MED28: variants seen among roughly 807,000 people sequenced by gnomAD.
The protein encoded by MED28 is mediator of RNA polymerase II transcription subunit 28.
In MED28, 26 loss-of-function variants were observed where a neutral mutation model predicts 21.3. The observed-to-expected ratio is 1.22, with a 90% CI of 0.89 to 1.69. The LOEUF is 1.69. Ranked by LOEUF, MED28 falls within the 40% of genes most tolerant of loss-of-function variation. The probability of loss-of-function intolerance (pLI) is 0.00; values close to 1 mark genes in which losing one functional copy is unlikely to be tolerated. For synonymous variants in MED28, 110 were observed against 87.6 expected (o/e 1.26, Z -1.43); for missense variants, 257 against 215.4 (o/e 1.19, Z -1.21).
Position 17,630,211 on chromosome 4 carries a change from T to C in MED28, c.*6413T>C, listed in dbSNP as rs2108922063. The C allele has an allele frequency of 6.6e-6, 1 of 152,270 alleles. No individual in the cohort carries two copies. The highest frequency in any genetic ancestry group is 1.9e-4 in the East Asian group (1 of 5,178). The allele number at this position is 152,270 out of a possible 1,614,324, so 9.4% of individuals were successfully genotyped here. A position where few individuals can be genotyped will look rare whatever the true frequency, so the allele number is the denominator to read the frequency against. Reference sequence around the variant, plus strand: ...AAAATAGAACCACCTGTATGTAGTCTTTTTGAAAGCACAAAATAAAGAGCA... The same window carrying C: ...AAAATAGAACCACCTGTATGTAGTCCTTTTGAAAGCACAAAATAAAGAGCA... On this transcript the variant is annotated 3_prime_UTR_variant, in exon 4 of 4. Coordinates refer to ENST00000237380, the MANE Select transcript of MED28 (RefSeq NM_025205.5).
rs950800826 is a variant in MED28 at position 17,632,515 on chromosome 4, G to A, written c.*8717G>A. The A allele has an allele frequency of 8.5e-6, 13 of 1,521,556 alleles. No individual in the cohort carries two copies. The highest frequency in any genetic ancestry group is 1.2e-5 in the Non-Finnish European group (13 of 1,121,422). The allele number at this position is 1,521,556 out of a possible 1,614,324, so 94.3% of individuals were successfully genotyped here. On this transcript the variant is annotated 3_prime_UTR_variant, in exon 4 of 4. Coordinates refer to ENST00000237380, the MANE Select transcript of MED28 (RefSeq NM_025205.5). The stretch of plus-strand genomic sequence containing the variant: ...ATGTTTTTCAAGTATCCTCTGTGAT[G>A]TATCCCAAAGGTTAGCTTAGAAAGA...
At chr4:17,618,297 A>T (rs955781728) in intron 1 of MED28, among the ~76,000 whole-genome samples, 1 of 152,060 alleles carries the variant, frequency 6.6e-6, no homozygotes, top group African/African-American at 2.4e-5. Context: ...GTCAGCCACC[A>T]TGTCGGACCC....
At chr4:17,623,326 G>A (rs1319004853) in intron 3 of MED28, among the ~76,000 whole-genome samples, 3 of 151,434 alleles carry the variant, frequency 2.0e-5, no homozygotes, top group South Asian at 2.1e-4. Flanking sequence ...ACTTGAACCC[G>A]GGAGGTGGAG....
intron 2 of MED28, among the ~76,000 whole-genome samples, chr4:17,621,171 G>A (rs1714618362): frequency 6.6e-6 from 1 of 151,840 alleles, no homozygotes; most frequent in African/African-American, 2.4e-5. Context: ...GTTCCACCAC[G>A]CCCAGCTAAT....
intron 1 of MED28, among the ~76,000 whole-genome samples, chr4:17,618,915 G>C (rs528155493): frequency 6.6e-6 from 1 of 152,334 alleles, no homozygotes; most frequent in South Asian, 2.1e-4. Flanking sequence ...AATCAAGCGC[G>C]GGAGCTGCAG....
chr4:17,620,397 C>A (rs185684714), intron 2 of MED28, among the ~76,000 whole-genome samples: 82 of 147,764 alleles, frequency 5.5e-4, no homozygotes, highest in African/African-American at 1.8e-3. Context: ...GTCGCCCAGG[C>A]TGGAGTGCTC....
intron 1 of MED28, among the ~76,000 whole-genome samples, chr4:17,619,540 G>C (rs904382991): frequency 3.9e-5 from 6 of 152,184 alleles, no homozygotes; most frequent in South Asian, 4.1e-4. Flanking sequence ...AGGGGGAGAA[G>C]ATTGTCCTGA....
At chr4:17,617,764 G>A (rs143870130) in intron 1 of MED28, among the ~76,000 whole-genome samples, 5 of 151,902 alleles carry the variant, frequency 3.3e-5, no homozygotes, top group Admixed American at 2.6e-4. Context: ...AAAAATTAGT[G>A]GTCTCTGGTG....
At chr4:17,620,110 AGCT>A (rs1425773100) in intron 2 of MED28, 143 bp downstream of exon 2, 4 of 712,226 alleles carry the variant, frequency 5.6e-6, no homozygotes, top group Non-Finnish European at 9.6e-6. Context: ...AATCTCTATG[AGCT>A]GCTGATTTTT....
At chr4:17,621,427 T>C (rs917832557) in intron 2 of MED28, among the ~76,000 whole-genome samples, 160 bp from the exon 3 acceptor site, 7 of 152,062 alleles carry the variant, frequency 4.6e-5, no homozygotes, top group Non-Finnish European at 1.0e-4. Context: ...GGTTAACACA[T>C]GAGAAGTTGG....
intron 3 of MED28, 79 bp downstream of exon 3, chr4:17,621,778 G>A (rs544924580): frequency 2.3e-5 from 22 of 957,724 alleles, no homozygotes; most frequent in Non-Finnish European, 3.6e-5. Context: ...TAAATGAGAT[G>A]TAACCGTTTC....
Position 17,632,542 on chromosome 4 carries a change from AAGTACTTGGT to A in MED28, c.*8745_*8754del. On this transcript the variant is annotated 3_prime_UTR_variant, in exon 4 of 4. Coordinates refer to ENST00000237380, the MANE Select transcript of MED28 (RefSeq NM_025205.5). ...ATCCCAAAGGTTAGCTTAGAAAGAAAAGTACTTGGTGAACCATTCCTGGTGCGGAGAGCCC... is the reference window on the plus strand; with the variant it reads ...ATCCCAAAGGTTAGCTTAGAAAGAAAGAACCATTCCTGGTGCGGAGAGCCC... 1 of 1,550,826 alleles carries A rather than the reference AAGTACTTGGT, an allele frequency of 6.4e-7. No individual in the cohort carries two copies. Among genetic ancestry groups the A allele is most frequent in the Non-Finnish European group, 8.7e-7 (1 of 1,146,340 alleles).
In MED28 at chr4:17,625,680, C is replaced by A; in HGVS notation, c.*1882C>A. On this transcript the variant is annotated 3_prime_UTR_variant, in exon 4 of 4. Coordinates refer to ENST00000237380, the MANE Select transcript of MED28 (RefSeq NM_025205.5). The stretch of plus-strand genomic sequence containing the variant: ...GACATCTTACTGGGTGATGAATAAT[C>A]CTCTAAGAAACCCTCTGAGCTGCTA... 3 of 447,504 alleles carry A rather than the reference C, an allele frequency of 6.7e-6. No homozygotes were observed. The highest frequency in any genetic ancestry group is 1.3e-5 in the Non-Finnish European group (3 of 224,722). 27.7% of individuals were successfully genotyped at this position (447,504 alleles called of 1,614,324 possible). A position where few individuals can be genotyped will look rare whatever the true frequency, so the allele number is the denominator to read the frequency against.
At chr4:17,620,331 T>C (rs960702218) in intron 2 of MED28, among the ~76,000 whole-genome samples, 12 of 151,584 alleles carry the variant, frequency 7.9e-5, no homozygotes, top group Non-Finnish European at 1.5e-4. Context: ...GAGCTTCTGA[T>C]TTCTTCGTAC....
At position 17,614,668 on chromosome 4, in the gene MED28, T is replaced by G. The variant is rs1264402130; in HGVS notation, c.14T>G (p.Leu5Arg). 1 of 1,611,660 alleles carries G rather than the reference T, an allele frequency of 6.2e-7. No individual in the cohort carries two copies. The highest frequency in any genetic ancestry group is 1.1e-5 in the South Asian group (1 of 90,962). Residue 5 changes from leucine (L) to arginine (R), a missense_variant, in exon 1 of 4, where the codon CTA (leucine) becomes CGA (arginine). Leu to Arg is a moderately radical substitution (Grantham distance 102). Coordinates refer to ENST00000237380, the MANE Select transcript of MED28 (RefSeq NM_025205.5). ...GCCATTCCAAACATGGCGGCTCCACTAGGGGGTATGTTTTCTGGGCAGCCA... is the reference window on the plus strand; with the variant it reads ...GCCATTCCAAACATGGCGGCTCCACGAGGGGGTATGTTTTCTGGGCAGCCA... Reference protein sequence around the residue: MAAPLGGMFSGQPPG... With the variant: MAAPRGGMFSGQPPG...
rs16343 is a variant in MED28, at chr4:17,633,933, CAAAAT to C, written c.*10139_*10143del. On this transcript the variant is annotated 3_prime_UTR_variant, in exon 4 of 4. Coordinates refer to ENST00000237380, the MANE Select transcript of MED28 (RefSeq NM_025205.5). ...GGTTAGTGCAATGCAATGCAAAAAA[CAAAAT>C]AAAGCATTATTGTAAAAGCAAATAA... 780,244 of 1,327,290 alleles carry C rather than the reference CAAAAT, an allele frequency of 0.59. 238,215 individuals carry two copies. The highest frequency in any genetic ancestry group is 0.9 in the East Asian group (30,919 of 34,352). The allele number at this position is 1,327,290 out of a possible 1,614,324, so 82.2% of individuals were successfully genotyped here.
intron 2 of MED28, among the ~76,000 whole-genome samples, 194 bp from the exon 3 acceptor site, chr4:17,621,393 A>G (rs1714626255): frequency 6.6e-6 from 1 of 151,916 alleles, no homozygotes; most frequent in Admixed American, 6.6e-5. Context: ...TGAGAAAAGC[A>G]TAACTTATCT....
intron 2 of MED28, among the ~76,000 whole-genome samples, chr4:17,621,284 T>C (rs1333137363): frequency 6.6e-6 from 1 of 152,162 alleles, no homozygotes; most frequent in Non-Finnish European, 1.5e-5. Context: ...AGTGCTGAGA[T>C]TACAGGCTTG....
Position 17,633,698 on chromosome 4 carries a change from G to A in MED28, c.*9900G>A, listed in dbSNP as rs1251992431. ...CCAACATCCCCCAAACCTTGTGGCA[G>A]TTTTTGCATCTGTAGACTGGTTGGG... is the stretch of plus-strand genomic sequence containing the variant. On this transcript the variant is annotated 3_prime_UTR_variant, in exon 4 of 4. Coordinates refer to ENST00000237380, the MANE Select transcript of MED28 (RefSeq NM_025205.5). 3 of 1,533,830 alleles carry A rather than the reference G, an allele frequency of 2.0e-6. No homozygotes were observed. The highest frequency in any genetic ancestry group is 2.6e-6 in the Non-Finnish European group (3 of 1,137,970).
Sources: allele counts gnomAD v4.1 joint callset (sites outside exome capture counted in the v4.1 genomes callset), GRCh38; gene constraint gnomAD v4.1.1; transcripts MANE v1.5; gene names NCBI Gene and HGNC (gene_info 2026-07-23, HGNC 2026-07-21).